Variants in SLC28A3 observed in about 807,000 individuals in gnomAD.
SLC28A3 encodes the protein concentrative Na(+)-nucleoside cotransporter 3.
Under a neutral mutation model 84.2 loss-of-function variants are expected in SLC28A3, and 68 were observed. That is an observed-to-expected ratio of 0.81 (90% CI 0.66 to 0.99). SLC28A3 has a LOEUF of 0.99. Ranked by LOEUF, SLC28A3 falls within the 50% of genes least tolerant of loss-of-function variation. The pLI is 0.00. For synonymous variants in SLC28A3, 267 were observed against 303.6 expected, an observed-to-expected ratio of 0.88 and a Z score of 1.25; for missense variants, 712 against 841.5, an observed-to-expected ratio of 0.85 and a Z score of 1.90.
At chr9:84,296,875 T>C (rs1466816069) in intron 8 of SLC28A3, among the ~76,000 whole-genome samples, 1 of 152,258 alleles carries the variant, frequency 6.6e-6, no homozygotes, top group East Asian at 1.9e-4. Flanking sequence ...GCCTACTTGT[T>C]GCTGGGAACA....
Position 84,302,109 on chromosome 9 carries a change from T to C in SLC28A3, c.524+91A>G, listed in dbSNP as rs1218434710. ...GTTTCTAGCTTCCATATCCCATAAA[T>C]GAGGAAGCAATTTCAGAACAAATTT... On this transcript the variant is annotated intron_variant, in intron 5 of 17. Coordinates refer to ENST00000376238, the MANE Select transcript of SLC28A3 (RefSeq NM_001199633.2). The C allele has an allele frequency of 8.7e-6, 11 of 1,265,972 alleles. No individual in the cohort carries two copies. In the East Asian group the frequency reaches 2.3e-4, roughly 27 times the overall value. 78.4% of individuals were successfully genotyped at this position (1,265,972 alleles called of 1,614,324 possible). A position where few individuals can be genotyped will look rare whatever the true frequency, so the allele number is the denominator to read the frequency against.
chr9:84,329,376 A>G (rs1335403018), intron 1 of SLC28A3, among the ~76,000 whole-genome samples: 1 of 152,218 alleles, frequency 6.6e-6, no homozygotes, highest in Non-Finnish European at 1.5e-5. Context: ...TAGACCTTAT[A>G]GACATATACA....
intron 2 of SLC28A3, among the ~76,000 whole-genome samples, chr9:84,312,117 C>G (rs1588600441): frequency 1.3e-5 from 2 of 152,190 alleles, no homozygotes; most frequent in Non-Finnish European, 2.9e-5. Context: ...TTTATTTATT[C>G]ATTCACCTAC....
At position 84,302,205 on chromosome 9, in the gene SLC28A3, CA is replaced by C; in HGVS notation, c.518del (p.Leu173ArgfsTer4). The C allele has an allele frequency of 6.2e-7, 1 of 1,613,882 alleles. No homozygotes were observed. The highest frequency in any genetic ancestry group is 8.5e-7 in the Non-Finnish European group (1 of 1,179,914). ...AGAGAACCAATTGCATTTACCACTT[CA>C]GCCAGAACCAATGGCTGTTTAGAAG... is the stretch of plus-strand genomic sequence containing the variant. ...RRLLNSHWFW[L>X]KWVIWSSLVL... is the part of the protein sequence containing the mutation. On this transcript the variant is annotated frameshift_variant, in exon 5 of 18. Transcript: ENST00000376238. LOFTEE classifies it high-confidence loss of function.
intron 1 of SLC28A3, among the ~76,000 whole-genome samples, chr9:84,322,199 G>A (rs1014758420): frequency 1.3e-5 from 2 of 152,198 alleles, no homozygotes; most frequent in Admixed American, 6.5e-5. Flanking sequence ...CAGGAAATAT[G>A]GCTTCAGCTC....
At chr9:84,349,957 C>T in the SLC28A3 span, among the ~76,000 whole-genome samples, 6 of 152,284 alleles carry the variant, frequency 3.9e-5, no homozygotes, top group Admixed American at 1.3e-4. Flanking sequence ...ATCATGCAAA[C>T]ATCACAGAGT....
chr9:84,341,485 G>T (rs374792084), upstream of SLC28A3, among the ~76,000 whole-genome samples: 3 of 152,050 alleles, frequency 2.0e-5, no homozygotes, highest in East Asian at 1.9e-4. Flanking sequence ...CTCTTCTTCC[G>T]AACAACTCAA....
the SLC28A3 span, among the ~76,000 whole-genome samples, chr9:84,346,371 A>G: frequency 6.6e-6 from 1 of 152,170 alleles, no homozygotes; most frequent in Non-Finnish European, 1.5e-5. Flanking sequence ...TAGTGAAGTC[A>G]CTCTTGGTGA....
At chr9:84,304,380 G>C (rs148487613) in intron 4 of SLC28A3, among the ~76,000 whole-genome samples, 62 of 151,928 alleles carry the variant, frequency 4.1e-4, no homozygotes, top group African/African-American at 1.4e-3. Flanking sequence ...GGGTGCTTAC[G>C]TTTTATAGAC....
intron 1 of SLC28A3, among the ~76,000 whole-genome samples, chr9:84,318,191 C>T (rs1826238508): frequency 6.6e-6 from 1 of 152,172 alleles, no homozygotes; most frequent in African/African-American, 2.4e-5. Flanking sequence ...GACCATTCCC[C>T]AGAGATGTTC....
intron 1 of SLC28A3, among the ~76,000 whole-genome samples, chr9:84,314,704 C>T (rs1826106831): frequency 6.6e-6 from 1 of 152,190 alleles, no homozygotes; most frequent in Admixed American, 6.5e-5. Flanking sequence ...CAGACACTAA[C>T]AATGTTTTGA....
Position 84,340,749 on chromosome 9 carries a change from G to T in SLC28A3, c.-116C>A. 1 of 1,192,940 alleles carries T rather than the reference G, an allele frequency of 8.4e-7. No homozygotes were observed. The highest frequency in any genetic ancestry group is 1.2e-6 in the Non-Finnish European group (1 of 824,550). 73.9% of individuals were successfully genotyped at this position (1,192,940 alleles called of 1,614,324 possible). A position where few individuals can be genotyped will look rare whatever the true frequency, so the allele number is the denominator to read the frequency against. Reference sequence around the variant, plus strand: ...TGTTACAGGGACCTGGGCACAGCTTGCTTCAGTTTGGAAACTTCTGCAATA... The same window carrying T: ...TGTTACAGGGACCTGGGCACAGCTTTCTTCAGTTTGGAAACTTCTGCAATA... On this transcript the variant is annotated 5_prime_UTR_variant, in exon 1 of 18. Coordinates refer to ENST00000376238, the MANE Select transcript of SLC28A3 (RefSeq NM_001199633.2).
the SLC28A3 span, among the ~76,000 whole-genome samples, chr9:84,355,328 A>G: frequency 2.0e-5 from 3 of 151,878 alleles, no homozygotes; most frequent in African/African-American, 7.3e-5. Context: ...GTCCCAGCTA[A>G]CTGGGAGGCT....
chr9:84,362,929 A>G, the SLC28A3 span, among the ~76,000 whole-genome samples: 1 of 152,156 alleles, frequency 6.6e-6, no homozygotes. Flanking sequence ...AAATCTAATA[A>G]CTAACATATT....
chr9:84,334,614 G>A (rs952359541), intron 1 of SLC28A3, among the ~76,000 whole-genome samples: 3 of 145,420 alleles, frequency 2.1e-5, no homozygotes, highest in African/African-American at 7.4e-5. Flanking sequence ...TCTGTATGTT[G>A]TATTTCACAA....
At chr9:84,331,967 G>T (rs544411729) in intron 1 of SLC28A3, among the ~76,000 whole-genome samples, 32 of 152,260 alleles carry the variant, frequency 2.1e-4, no homozygotes, top group African/African-American at 7.7e-4. Context: ...CTTTTTTAAA[G>T]CAATGTTGAT....
chr9:84,326,154 A>T (rs1007034272), intron 1 of SLC28A3, among the ~76,000 whole-genome samples: 1 of 152,112 alleles, frequency 6.6e-6, no homozygotes, highest in Non-Finnish European at 1.5e-5. Context: ...TCTATTCTAT[A>T]TAAAATTCCA....
intron 1 of SLC28A3, among the ~76,000 whole-genome samples, chr9:84,331,572 G>GT (rs1826789718): frequency 6.6e-6 from 1 of 152,136 alleles, no homozygotes; most frequent in Admixed American, 6.5e-5. Context: ...TTTCCTGTGT[G>GT]TTTGTGCAGA....
Position 84,337,203 on chromosome 9 carries a change from T to C in SLC28A3, c.60+3371A>G, listed in dbSNP as rs139277936. On this transcript the variant is annotated intron_variant, in intron 1 of 17. Coordinates refer to ENST00000376238, the MANE Select transcript of SLC28A3 (RefSeq NM_001199633.2). ...TCCTTAACATCAATTATATTGTAAT[T>C]GCATGCTTATTTCTGCCTGTCCTTC... is the stretch of plus-strand genomic sequence containing the variant. 5.7e-3 allele frequency among the ~76,000 whole-genome samples: 875 copies of C among 152,284 alleles called. 7 individuals carry two copies. The highest frequency in any genetic ancestry group is 0.02 in the African/African-American group (842 of 41,560).
Sources: allele counts gnomAD v4.1 joint callset (sites outside exome capture counted in the v4.1 genomes callset), GRCh38; gene constraint gnomAD v4.1.1; transcripts MANE v1.5; gene names NCBI Gene and HGNC (gene_info 2026-07-23, HGNC 2026-07-21).